GALNT1: variants seen among roughly 807,000 people sequenced by gnomAD.
The protein encoded by GALNT1 is polypeptide N-acetylgalactosaminyltransferase 1.
In GALNT1, 17 loss-of-function variants were observed where a neutral mutation model predicts 65.7. That is an observed-to-expected ratio of 0.26 (90% CI 0.18 to 0.39). The LOEUF is 0.39. Ranked by LOEUF, GALNT1 falls within the 10% of genes least tolerant of loss-of-function variation. The pLI is 1.00. For missense variants in GALNT1, 460 were observed against 672.8 expected (o/e 0.68, Z 3.50); for synonymous variants, 210 against 219.7 (o/e 0.96, Z 0.39).
At chr18:35,603,929 T>G (rs1284550491) in intron 1 of GALNT1, among the ~76,000 whole-genome samples, 2 of 152,202 alleles carry the variant, frequency 1.3e-5, no homozygotes, top group Admixed American at 6.5e-5. Context: ...TTTATTTTTT[T>G]CTTTCCAACT....
At chr18:35,689,064 A>G in intron 6 of GALNT1, 109 bp from the exon 7 acceptor site, 2 of 751,610 alleles carry the variant, frequency 2.7e-6, no homozygotes, top group Non-Finnish European at 4.8e-6. Context: ...GAGTGTGAGA[A>G]TAAGTACTTA....
At chr18:35,599,246 A>G (rs2046547755) in intron 1 of GALNT1, among the ~76,000 whole-genome samples, 1 of 151,130 alleles carries the variant, frequency 6.6e-6, no homozygotes, top group African/African-American at 2.4e-5. Flanking sequence ...GCCTACATTT[A>G]CCTTTGTTGC....
intron 1 of GALNT1, among the ~76,000 whole-genome samples, chr18:35,618,981 C>T (rs956341700): frequency 2.6e-5 from 4 of 151,904 alleles, no homozygotes; most frequent in Admixed American, 1.3e-4. Flanking sequence ...AACTAAGAGA[C>T]GTTAAATGAC....
At chr18:35,705,263 T>C (rs2048237257) in intron 11 of GALNT1, among the ~76,000 whole-genome samples, 1 of 152,220 alleles carries the variant, frequency 6.6e-6, no homozygotes, top group South Asian at 2.1e-4. Context: ...GAACCCAGCT[T>C]TGACATCACT....
chr18:35,643,616 A>G (rs1222911666), intron 1 of GALNT1, among the ~76,000 whole-genome samples: 2 of 152,044 alleles, frequency 1.3e-5, no homozygotes, highest in East Asian at 1.9e-4. Flanking sequence ...AAAAATGAGC[A>G]GGGCGTGGTG....
intron 3 of GALNT1, among the ~76,000 whole-genome samples, chr18:35,671,398 T>C (rs1598801530): frequency 6.6e-6 from 1 of 152,106 alleles, no homozygotes; most frequent in African/African-American, 2.4e-5. Context: ...TTAAACGTTT[T>C]GTAGAGATGG....
intron 1 of GALNT1, among the ~76,000 whole-genome samples, chr18:35,639,528 G>A (rs2047134534): frequency 1.3e-5 from 2 of 152,082 alleles, no homozygotes. Context: ...TGGTAGTCAG[G>A]AACCACACCT....
At chr18:35,633,131 T>C (rs1384006743) in intron 1 of GALNT1, among the ~76,000 whole-genome samples, 1 of 152,276 alleles carries the variant, frequency 6.6e-6, no homozygotes, top group East Asian at 1.9e-4. Flanking sequence ...TGGAAGACAG[T>C]GTGGCAATTC....
chr18:35,627,958 G>T (rs1216436526), intron 1 of GALNT1, among the ~76,000 whole-genome samples: 1 of 131,774 alleles, frequency 7.6e-6, no homozygotes, highest in Non-Finnish European at 1.8e-5. Flanking sequence ...CGCCCACGGA[G>T]CCTCGCTCAT....
At chr18:35,631,065 G>A (rs2047000718) in intron 1 of GALNT1, among the ~76,000 whole-genome samples, 1 of 152,044 alleles carries the variant, frequency 6.6e-6, no homozygotes, top group African/African-American at 2.4e-5. Flanking sequence ...GTAATTAATA[G>A]CTTACCACCC....
chr18:35,594,015 T>C (rs2046475759), intron 1 of GALNT1, among the ~76,000 whole-genome samples: 1 of 150,114 alleles, frequency 6.7e-6, no homozygotes, highest in Non-Finnish European at 1.5e-5. Flanking sequence ...CAGCCTATAA[T>C]ACAAATCTTG....
intron 9 of GALNT1, among the ~76,000 whole-genome samples, chr18:35,693,977 A>C (rs2048011151): frequency 6.6e-6 from 1 of 152,112 alleles, no homozygotes; most frequent in Admixed American, 6.5e-5. Context: ...AAATAGGAGA[A>C]CCTAGAGAGT....
chr18:35,584,784 GA>G (rs996946441), intron 1 of GALNT1, among the ~76,000 whole-genome samples: 2 of 152,186 alleles, frequency 1.3e-5, no homozygotes, highest in Non-Finnish European at 2.9e-5. Flanking sequence ...TGCCCTATGA[GA>G]ATTTAATGCC....
At chr18:35,633,294 C>G (rs2047042853) in intron 1 of GALNT1, among the ~76,000 whole-genome samples, 2 of 152,266 alleles carry the variant, frequency 1.3e-5, no homozygotes, top group Middle Eastern at 6.8e-3. Context: ...GGAACCAACC[C>G]ACATGTCCAA....
intron 1 of GALNT1, among the ~76,000 whole-genome samples, chr18:35,583,400 A>C (rs1421623929): frequency 6.6e-6 from 1 of 152,212 alleles, no homozygotes; most frequent in Non-Finnish European, 1.5e-5. Context: ...GGTGCCTCTT[A>C]AGCAGCAGAC....
At chr18:35,628,762 C>T (rs1450407054) in intron 1 of GALNT1, among the ~76,000 whole-genome samples, 3 of 152,162 alleles carry the variant, frequency 2.0e-5, no homozygotes, top group East Asian at 3.9e-4. Context: ...GACGATCAAA[C>T]TTCTCCGAGC....
chr18:35,626,716 T>C (rs142692426), intron 1 of GALNT1, among the ~76,000 whole-genome samples: 1 of 152,300 alleles, frequency 6.6e-6, no homozygotes, highest in East Asian at 1.9e-4. Context: ...GTGCTCTCCA[T>C]GTTTTCAATT....
At chr18:35,694,014 G>A (rs1381366530) in intron 9 of GALNT1, among the ~76,000 whole-genome samples, 2 of 152,148 alleles carry the variant, frequency 1.3e-5, no homozygotes, top group South Asian at 2.1e-4. Context: ...AGGGAAAGAC[G>A]TGTTTCAGGA....
intron 1 of GALNT1, among the ~76,000 whole-genome samples, chr18:35,602,747 G>T (rs1201639518): frequency 6.6e-6 from 1 of 152,050 alleles, no homozygotes; most frequent in Non-Finnish European, 1.5e-5. Context: ...ATAAATTTCT[G>T]AATTGTTTTT....
Sources: allele counts gnomAD v4.1 joint callset (sites outside exome capture counted in the v4.1 genomes callset), GRCh38; gene constraint gnomAD v4.1.1; transcripts MANE v1.5; gene names NCBI Gene and HGNC (gene_info 2026-07-23, HGNC 2026-07-21).